The following SMARCAL1 variants were observed in gnomAD, a reference collection of about 807,000 sequenced individuals.
The protein encoded by SMARCAL1 is ATP-driven annealing helicase.
SMARCAL1 carries 58 observed loss-of-function variants against 94.5 expected under a neutral mutation model. That is an observed-to-expected ratio of 0.61 (90% CI 0.50 to 0.76). SMARCAL1 has a LOEUF of 0.76. Ranked by LOEUF, SMARCAL1 falls within the 30% of genes least tolerant of loss-of-function variation. SMARCAL1 has a pLI of 0.00. For missense variants in SMARCAL1, 1,051 were observed against 1,177.9 expected, an observed-to-expected ratio of 0.89 and a Z score of 1.58; for synonymous variants, 422 against 455.1, an observed-to-expected ratio of 0.93 and a Z score of 0.93.
intron 12 of SMARCAL1, among the ~76,000 whole-genome samples, chr2:216,455,249 G>T (rs569436401): frequency 6.6e-6 from 1 of 152,332 alleles, no homozygotes; most frequent in East Asian, 1.9e-4. Context: ...AGGCCTGCCT[G>T]CCTCTGTAGA....
rs945004956 is a variant in SMARCAL1, at chr2:216,431,986, T to A, written c.1335-732T>A. Among the ~76,000 whole-genome samples, 3 of 152,164 alleles carry A rather than the reference T, an allele frequency of 2.0e-5. No individual in the cohort carries two copies. In the East Asian group the frequency reaches 5.8e-4, roughly 29 times the overall value. ...CTCTCTGATCTTCAGAAAGCCTTCT[T>A]TTCACCCTACCAGCTCTTCTTTCCT... is the stretch of plus-strand genomic sequence containing the variant. On this transcript the variant is annotated intron_variant, in intron 7 of 17. Coordinates refer to ENST00000357276, the MANE Select transcript of SMARCAL1 (RefSeq NM_014140.4).
chr2:216,425,876 A>G (rs567046850), intron 6 of SMARCAL1, among the ~76,000 whole-genome samples: 2 of 152,148 alleles, frequency 1.3e-5, no homozygotes, highest in African/African-American at 4.8e-5. Flanking sequence ...TGTGGACTCC[A>G]CCTGGAACTG....
In SMARCAL1 at chr2:216,450,827, G is replaced by T. The variant is rs144613441; in HGVS notation, c.1852-19G>T. 2 of 1,603,680 alleles carry T rather than the reference G, an allele frequency of 1.2e-6. No individual in the cohort carries two copies. The highest frequency in any genetic ancestry group is 8.5e-7 in the Non-Finnish European group (1 of 1,171,572). ...CTGAAAGGAGCCTCATGGGGCTGTC[G>T]CTGTCTTGTTCTCTGCAGATGCCTT... On this transcript the variant is annotated intron_variant, in intron 11 of 17. Transcript: ENST00000357276.
intron 7 of SMARCAL1, among the ~76,000 whole-genome samples, chr2:216,432,139 A>G (rs1353443006): frequency 2.0e-5 from 3 of 151,814 alleles, no homozygotes; most frequent in Non-Finnish European, 4.4e-5. Flanking sequence ...CTCCTGCCTC[A>G]GCCTCCCAAG....
intron 5 of SMARCAL1, 146 bp from the exon 6 acceptor site, chr2:216,423,487 G>A (rs1177141368): frequency 2.8e-6 from 2 of 722,718 alleles, no homozygotes; most frequent in Non-Finnish European, 5.0e-6. Context: ...CCTAATTTCT[G>A]TATCCGCAGT....
At chr2:216,435,276 C>T (rs1329404161) in intron 8 of SMARCAL1, 62 bp from the exon 9 acceptor site, 1 of 1,576,822 alleles carries the variant, frequency 6.3e-7, no homozygotes, top group African/African-American at 1.3e-5. Flanking sequence ...CTGCTGCTGT[C>T]ACAACCAACA....
chr2:216,452,118 G>A (rs867138844), intron 12 of SMARCAL1, among the ~76,000 whole-genome samples: 2 of 152,186 alleles, frequency 1.3e-5, no homozygotes, highest in African/African-American at 2.4e-5. Context: ...AATCTGGATG[G>A]TCTGGAGTAA....
chr2:216,464,446 G>A (rs899694630), intron 12 of SMARCAL1, 151 bp from the exon 13 acceptor site: 21 of 742,524 alleles, frequency 2.8e-5, no homozygotes, highest in African/African-American at 2.4e-4. Context: ...CTTGGCCAAA[G>A]TGAAAGGGGA....
rs1694293060 is a variant in SMARCAL1 at position 216,445,567 on chromosome 2, G to T, written c.1711-1451G>T. 2.6e-5 allele frequency among the ~76,000 whole-genome samples: 4 copies of T among 151,784 alleles called. No individual in the cohort carries two copies. In the South Asian group the frequency reaches 8.3e-4, roughly 32 times the overall value. Reference sequence around the variant, plus strand: ...GCACAGTGACATGAAGAATAGGTTTGGGGTGATGGGGAGATTTTCTCTTTT... The same window carrying T: ...GCACAGTGACATGAAGAATAGGTTTTGGGTGATGGGGAGATTTTCTCTTTT... On this transcript the variant is annotated intron_variant, in intron 10 of 17. Transcript: ENST00000357276.
chr2:216,447,730 G>A (rs1335602794), intron 11 of SMARCAL1, among the ~76,000 whole-genome samples: 1 of 152,202 alleles, frequency 6.6e-6, no homozygotes, highest in East Asian at 1.9e-4. Flanking sequence ...AACTGCCTTG[G>A]GTGGGCTCTG....
At chr2:216,416,947 G>A (rs1427069361) in intron 4 of SMARCAL1, among the ~76,000 whole-genome samples, 1 of 152,218 alleles carries the variant, frequency 6.6e-6, no homozygotes, top group Non-Finnish European at 1.5e-5. Flanking sequence ...ATACACTAAA[G>A]TTTTTGTCAC....
chr2:216,414,521 C>T (rs1693541130), intron 2 of SMARCAL1, 126 bp from the exon 3 acceptor site: 2 of 625,724 alleles, frequency 3.2e-6, no homozygotes, highest in African/African-American at 3.7e-5. Context: ...ATAAAAGAAA[C>T]TTTAATACAT....
chr2:216,469,279 C>CT lies in SMARCAL1; in HGVS notation c.2244+1255dup, dbSNP rs71054477. 7.4e-3 allele frequency among the ~76,000 whole-genome samples: 765 copies of CT among 102,952 alleles called. 2 individuals are homozygous for CT. Among genetic ancestry groups the CT allele is most frequent in the East Asian group, 9.4e-3 (34 of 3,622 alleles). 67.5% of individuals were successfully genotyped at this position (102,952 alleles called of 152,430 possible). ...TTTCTCAGCATTGTTTTAGAGATTT[C>CT]TTTTTTTTTTTTTTTTTTTTTTGAA... On this transcript the variant is annotated intron_variant, in intron 14 of 17. Transcript: ENST00000357276.
intron 5 of SMARCAL1, among the ~76,000 whole-genome samples, chr2:216,421,528 G>A (rs1033747255): frequency 1.3e-5 from 2 of 152,034 alleles, no homozygotes; most frequent in East Asian, 3.9e-4. Flanking sequence ...GAACTTCTTC[G>A]CCCACCTTGG....
intron 10 of SMARCAL1, among the ~76,000 whole-genome samples, chr2:216,440,526 G>C (rs1406287880): frequency 6.6e-6 from 1 of 152,186 alleles, no homozygotes; most frequent in East Asian, 1.9e-4. Flanking sequence ...ATTTGCTGTA[G>C]AACTTGGATG....
chr2:216,466,017 G>T (rs1053099182), intron 13 of SMARCAL1, among the ~76,000 whole-genome samples: 3 of 152,092 alleles, frequency 2.0e-5, no homozygotes, highest in Admixed American at 2.0e-4. Context: ...TCCAGATGTG[G>T]TTTTTATGGC....
In SMARCAL1 at chr2:216,447,069, G is replaced by C. The variant is rs769553029; in HGVS notation, c.1762G>C (p.Ala588Pro). 1.9e-6 allele frequency: 3 copies of C among 1,600,942 alleles called. No homozygotes were observed. The highest frequency in any genetic ancestry group is 2.6e-6 in the Non-Finnish European group (3 of 1,174,488). Residue 588 changes from alanine (A) to proline (P), a missense_variant, in exon 11 of 18, where the codon GCA (alanine) becomes CCA (proline). Transcript: ENST00000357276. ...GGGCACACCAGCCATGTCCCGGCCC[G>C]CAGAGCTCTACACGCAGATCATCGC... ...LSGTPAMSRP[A>P]ELYTQIIAVK...
intron 7 of SMARCAL1, among the ~76,000 whole-genome samples, chr2:216,429,320 A>C (rs1317043127): frequency 6.6e-6 from 1 of 152,200 alleles, no homozygotes; most frequent in Non-Finnish European, 1.5e-5. Flanking sequence ...CTTGTTGATT[A>C]GACTTGGTGA....
At chr2:216,474,710 C>A (rs1232201037) in intron 14 of SMARCAL1, among the ~76,000 whole-genome samples, 4 of 151,808 alleles carry the variant, frequency 2.6e-5, no homozygotes, top group African/African-American at 9.7e-5. Context: ...GAGCCAAGAT[C>A]GTGCCACTGC....
Sources: allele counts gnomAD v4.1 joint callset (sites outside exome capture counted in the v4.1 genomes callset), GRCh38; gene constraint gnomAD v4.1.1; transcripts MANE v1.5; gene names NCBI Gene and HGNC (gene_info 2026-07-23, HGNC 2026-07-21).